Variants in VAV3 observed in about 807,000 individuals in gnomAD.
The protein encoded by VAV3 is vav guanine nucleotide exchange factor 3, also known as guanine nucleotide exchange factor VAV3.
In VAV3, 94 loss-of-function variants were observed where a neutral mutation model predicts 131.2. That is an observed-to-expected ratio of 0.72 (90% CI 0.61 to 0.85). VAV3 has a LOEUF of 0.85. VAV3 is among the 40% of genes least tolerant of loss of function. VAV3 has a pLI of 0.00. For missense variants in VAV3, 939 were observed against 1,002.7 expected, an observed-to-expected ratio of 0.94 and a Z score of 0.86; for synonymous variants, 349 against 342.0, an observed-to-expected ratio of 1.02 and a Z score of -0.22.
At chr1:107,899,525 A>T (rs975983281) in intron 1 of VAV3, among the ~76,000 whole-genome samples, 3 of 152,314 alleles carry the variant, frequency 2.0e-5, no homozygotes, top group African/African-American at 7.2e-5. Context: ...TGGCACAGTT[A>T]ACTACACATT....
At chr1:107,655,891 A>G (rs1037948726) in intron 19 of VAV3, among the ~76,000 whole-genome samples, 9 of 152,198 alleles carry the variant, frequency 5.9e-5, no homozygotes. Flanking sequence ...AATCAAAACC[A>G]CAGTGAGATA....
intron 15 of VAV3, among the ~76,000 whole-genome samples, chr1:107,732,763 A>T (rs751573148): frequency 1.3e-5 from 2 of 152,156 alleles, no homozygotes; most frequent in Non-Finnish European, 2.9e-5. Flanking sequence ...CTGCCTCTGT[A>T]GACTCCACCT....
intron 1 of VAV3, among the ~76,000 whole-genome samples, chr1:107,941,712 C>T (rs1204240982): frequency 6.6e-6 from 1 of 152,180 alleles, no homozygotes; most frequent in East Asian, 1.9e-4. Flanking sequence ...CTTCCTGTCT[C>T]TTCCTCTTTA....
chr1:107,571,696 T>C lies in VAV3; in HGVS notation c.*1635A>G, dbSNP rs1225057997. On this transcript the variant is annotated 3_prime_UTR_variant, in exon 27 of 27. Transcript: ENST00000370056. ...CATTTTATAAAATACATTTTTGTGA[T>C]CATTTACACATATACAAAGACTTAA... 2.6e-5 allele frequency: 4 copies of C among 152,678 alleles called. No individual in the cohort carries two copies. Among genetic ancestry groups the C allele is most frequent in the Admixed American group, 2.6e-4 (4 of 15,286 alleles). The allele number at this position is 152,678 out of a possible 1,614,324, so 9.5% of individuals were successfully genotyped here. A position where few individuals can be genotyped will look rare whatever the true frequency, so the allele number is the denominator to read the frequency against.
At chr1:107,681,920 A>G (rs1658658861) in intron 19 of VAV3, among the ~76,000 whole-genome samples, 1 of 152,150 alleles carries the variant, frequency 6.6e-6, no homozygotes, top group Non-Finnish European at 1.5e-5. Flanking sequence ...TTGACCTCCC[A>G]AAGTGCTGGG....
intron 15 of VAV3, among the ~76,000 whole-genome samples, chr1:107,736,899 C>T (rs12136024): frequency 0.2 from 30,340 of 152,134 alleles, 3,169 homozygotes; most frequent in East Asian, 0.35. Context: ...ATTGCCAAGA[C>T]AATCCTAAAC....
chr1:107,874,840 G>T, intron 2 of VAV3, 61 bp downstream of exon 2: 2 of 1,447,868 alleles, frequency 1.4e-6, no homozygotes, highest in Non-Finnish European at 1.9e-6. Flanking sequence ...TTCAAGATTT[G>T]AAACAATTTG....
At chr1:107,753,501 T>TATATATACACACACAC (rs1557821815) in intron 12 of VAV3, among the ~76,000 whole-genome samples, 8 of 95,874 alleles carry the variant, frequency 8.3e-5, no homozygotes, top group African/African-American at 1.9e-4. Flanking sequence ...TATACACACA[T>TATATATACACACACAC]ATATATACAC....
chr1:107,834,056 T>C (rs889352509), intron 2 of VAV3, among the ~76,000 whole-genome samples: 9 of 152,194 alleles, frequency 5.9e-5, no homozygotes, highest in African/African-American at 7.2e-5. Flanking sequence ...TTAGAAACTA[T>C]AGAGAACTGT....
chr1:107,891,838 CAA>C (rs35693360), intron 1 of VAV3, among the ~76,000 whole-genome samples: 311 of 27,882 alleles, frequency 0.011, no homozygotes, highest in African/African-American at 0.031. Flanking sequence ...GACTCCGTCT[CAA>C]AAAAAAAAAA....
chr1:107,792,546 G>A (rs1228690392), intron 2 of VAV3, among the ~76,000 whole-genome samples: 1 of 152,168 alleles, frequency 6.6e-6, no homozygotes, highest in East Asian at 1.9e-4. Flanking sequence ...ACTAGAGTGG[G>A]AAGGCCCATT....
At chr1:107,839,906 C>T (rs1459934498) in intron 2 of VAV3, among the ~76,000 whole-genome samples, 1 of 152,028 alleles carries the variant, frequency 6.6e-6, no homozygotes, top group African/African-American at 2.4e-5. Context: ...ACACTATGCC[C>T]ACAAATTTGA....
At chr1:107,890,518 T>G (rs1371595802) in intron 1 of VAV3, among the ~76,000 whole-genome samples, 1 of 152,128 alleles carries the variant, frequency 6.6e-6, no homozygotes, top group East Asian at 1.9e-4. Context: ...CTCACCACAT[T>G]CTCACCATAC....
chr1:107,906,601 G>A (rs906268425), intron 1 of VAV3, among the ~76,000 whole-genome samples: 2 of 152,152 alleles, frequency 1.3e-5, no homozygotes, highest in Non-Finnish European at 2.9e-5. Context: ...AAGAGGCAGA[G>A]CTTGCAGTGA....
At chr1:107,860,818 C>T (rs1298054926) in intron 2 of VAV3, among the ~76,000 whole-genome samples, 1 of 151,492 alleles carries the variant, frequency 6.6e-6, no homozygotes, top group East Asian at 1.9e-4. Context: ...ACTGCTTGTG[C>T]CCAGGACTTT....
intron 20 of VAV3, among the ~76,000 whole-genome samples, chr1:107,621,980 T>C (rs1017545695): frequency 2.6e-5 from 4 of 152,182 alleles, no homozygotes; most frequent in Admixed American, 2.6e-4. Flanking sequence ...AAATATCTTA[T>C]GGGTACTATA....
At chr1:107,699,344 C>G (rs1229513420) in intron 17 of VAV3, among the ~76,000 whole-genome samples, 1 of 152,268 alleles carries the variant, frequency 6.6e-6, no homozygotes, top group Non-Finnish European at 1.5e-5. Context: ...GACTCCATGT[C>G]TCATATCCAG....
chr1:107,859,916 C>A (rs1669658560), intron 2 of VAV3, among the ~76,000 whole-genome samples: 1 of 151,838 alleles, frequency 6.6e-6, no homozygotes. Context: ...TTAAATAATA[C>A]CAGGGAAGTA....
intron 2 of VAV3, among the ~76,000 whole-genome samples, chr1:107,795,517 C>T (rs887515695): frequency 6.6e-6 from 1 of 152,062 alleles, no homozygotes; most frequent in African/African-American, 2.4e-5. Flanking sequence ...CTCTCTTAAC[C>T]TATCTCCCCT....
Sources: allele counts gnomAD v4.1 joint callset (sites outside exome capture counted in the v4.1 genomes callset), GRCh38; gene constraint gnomAD v4.1.1; transcripts MANE v1.5; gene names NCBI Gene and HGNC (gene_info 2026-07-23, HGNC 2026-07-21).